GLI1: variants seen among roughly 807,000 people sequenced by gnomAD.
GLI1 encodes transcription activator GLI1.
GLI1 carries 51 observed loss-of-function variants against 87.8 expected under a neutral mutation model. That is an observed-to-expected ratio of 0.58 (90% CI 0.46 to 0.73). The LOEUF is 0.73. Ranked by LOEUF, GLI1 falls within the 30% of genes least tolerant of loss-of-function variation. The pLI is 0.00. For missense variants in GLI1, 1,292 were observed against 1,437.2 expected (o/e 0.90, Z 1.63); for synonymous variants, 528 against 558.2 (o/e 0.95, Z 0.76).
chr12:57,470,403 G>GT lies in GLI1; in HGVS notation c.1664dup (p.Ser556GlnfsTer86). ...CAGCAGCATCAGCTCTGCCTATACTGTCAGCCGCCGCTCCTCCCTGGCCTC... is the reference window on the plus strand; with the variant it reads ...CAGCAGCATCAGCTCTGCCTATACTGTTCAGCCGCCGCTCCTCCCTGGCCTC... On this transcript the variant is annotated frameshift_variant, in exon 12 of 12. Coordinates refer to ENST00000228682, the MANE Select transcript of GLI1 (RefSeq NM_005269.3). LOFTEE classifies it high-confidence loss of function. 6.2e-7 allele frequency: 1 copy of GT among 1,613,840 alleles called. No individual in the cohort carries two copies. Among genetic ancestry groups the GT allele is most frequent in the Non-Finnish European group, 8.5e-7 (1 of 1,179,864 alleles).
intron 10 of GLI1, among the ~76,000 whole-genome samples, 153 bp downstream of exon 10, chr12:57,468,377 T>A (rs1050138971): frequency 6.6e-6 from 1 of 152,218 alleles, no homozygotes; most frequent in African/African-American, 2.4e-5. Flanking sequence ...TCTTTGGGCT[T>A]CCCCAAATCT....
At chr12:57,463,050 C>T (rs982661507) in intron 1 of GLI1, among the ~76,000 whole-genome samples, 7 of 152,294 alleles carry the variant, frequency 4.6e-5, no homozygotes, top group African/African-American at 1.4e-4. Flanking sequence ...AATATAGGCA[C>T]AATTAGTCCA....
rs759016911 is a variant in GLI1, at chr12:57,465,057, A to G, written c.390-54A>G. On this transcript the variant is annotated intron_variant, in intron 4 of 11. Transcript: ENST00000228682. ...TTCCAGAAATCCTCCAAATAGCCCAATCCTTCCTGAGACTTCCTAATTGTC... is the reference window on the plus strand; with the variant it reads ...TTCCAGAAATCCTCCAAATAGCCCAGTCCTTCCTGAGACTTCCTAATTGTC... The G allele has an allele frequency of 2.0e-5, 32 of 1,577,186 alleles. 1 individual carries two copies. The highest frequency in any genetic ancestry group is 6.7e-5 in the East Asian group (3 of 44,698).
At chr12:57,464,525 C>CAAAAA in intron 3 of GLI1, 148 bp from the exon 4 acceptor site, 1 of 514,056 alleles carries the variant, frequency 1.9e-6, no homozygotes, top group South Asian at 2.3e-5. Context: ...CTGTGTCTCT[C>CAAAAA]AAAAAAAAAA....
rs1871994759 is a variant in GLI1 at position 57,471,879 on chromosome 12, C to T, written c.3139C>T (p.Leu1047=). 3.7e-6 allele frequency: 6 copies of T among 1,600,238 alleles called. No homozygotes were observed. Among genetic ancestry groups the T allele is most frequent in the Non-Finnish European group, 5.1e-6 (6 of 1,173,886 alleles). The part of the protein sequence containing the change: ...LDSLDLDNTQ[L]DFVAILDEPQ... Reference sequence around the variant, plus strand: ...CTCTCTTGATCTTGACAACACTCAGCTGGACTTTGTGGCTATTCTGGATGA... The same window carrying T: ...CTCTCTTGATCTTGACAACACTCAGTTGGACTTTGTGGCTATTCTGGATGA... The change falls in exon 12 of 12, where the codon CTG becomes TTG. Residue 1047 remains leucine, a synonymous_variant. Transcript: ENST00000228682. This position sits in a 1 kb window ranked among gnomAD's most constrained non-coding sequence, Gnocchi z 4.9.
chr12:57,460,852 G>T (rs1405728313), intron 1 of GLI1, among the ~76,000 whole-genome samples: 1 of 152,126 alleles, frequency 6.6e-6, no homozygotes, highest in Non-Finnish European at 1.5e-5. Context: ...AGTCCCAAGG[G>T]CTGTGGGCAA....
rs1594750151 is a variant in GLI1, at chr12:57,470,776, A to T, written c.2036A>T (p.Tyr679Phe). The T allele has an allele frequency of 2.5e-6, 4 of 1,612,882 alleles. No homozygotes were observed. The highest frequency in any genetic ancestry group is 2.2e-5 in the East Asian group (1 of 44,850). The change falls in exon 12 of 12, where the codon TAC (tyrosine) becomes TTC (phenylalanine). Residue 679 changes from tyrosine to phenylalanine, a missense_variant. Transcript: ENST00000228682. ...GGGGGAGGACAGAACTTTGATCCTT[A>T]CCTCCCAACCTCTGTCTACTCACCA... ...VAGGGQNFDPYLPTSVYSPQP... is the reference protein window; with the variant it reads ...VAGGGQNFDPFLPTSVYSPQP...
chr12:57,471,045 C>G lies in GLI1; in HGVS notation c.2305C>G (p.Gln769Glu), dbSNP rs1011202054. 3.1e-6 allele frequency: 5 copies of G among 1,610,606 alleles called. No homozygotes were observed. The highest frequency in any genetic ancestry group is 4.2e-6 in the Non-Finnish European group (5 of 1,178,178). The change falls in exon 12 of 12, where the codon CAG becomes GAG. Residue 769 changes from glutamine (Q) to glutamate (E), a missense_variant. Gln to Glu is a conservative substitution (Grantham distance 29, BLOSUM62 2). Around this residue, in one of 3 missense-constraint regions of GLI1, gnomAD observed 897 missense variants for 1,040.7 expected, o/e 0.86. Coordinates refer to ENST00000228682, the MANE Select transcript of GLI1 (RefSeq NM_005269.3). This position sits in a 1 kb window ranked among gnomAD's most constrained non-coding sequence, Gnocchi z 4.9. ...TNYGPNPCPQ[Q>E]ASYPDPTQET... ...CTATGGCCCCAACCCCTGTCCCCAG[C>G]AGGCCTCATATCCTGACCCCACCCA... is the stretch of plus-strand genomic sequence containing the variant.
chr12:57,469,604 T>C lies in GLI1; in HGVS notation c.1482T>C (p.Thr494=), dbSNP rs748647850. 6 of 1,614,128 alleles carry C rather than the reference T, an allele frequency of 3.7e-6. No individual in the cohort carries two copies. The highest frequency in any genetic ancestry group is 3.3e-5 in the Admixed American group (2 of 60,022). ...GPCIAGTGLS[T]LRRLENLRLD... ...GCATTGCTGGCACTGGTCTGTCCAC[T>C]CTTCGCCGCCTTGAGAACCTCAGGC... The change falls in exon 11 of 12, where the codon ACT becomes ACC. Residue 494 remains threonine, a synonymous_variant. Coordinates refer to ENST00000228682, the MANE Select transcript of GLI1 (RefSeq NM_005269.3).
At chr12:57,469,138 G>A (rs1339872534) in intron 10 of GLI1, among the ~76,000 whole-genome samples, 1 of 152,168 alleles carries the variant, frequency 6.6e-6, no homozygotes, top group Non-Finnish European at 1.5e-5. Flanking sequence ...TCATGATAAA[G>A]GGACTCACTG....
chr12:57,461,745 G>A (rs1490626022), intron 1 of GLI1, among the ~76,000 whole-genome samples: 1 of 152,056 alleles, frequency 6.6e-6, no homozygotes, highest in Non-Finnish European at 1.5e-5. Flanking sequence ...GACTTGGGTG[G>A]GCCGAGGAGG....
rs1872035619 is a variant in GLI1, at chr12:57,472,040, A to G, written c.3300A>G (p.Glu1100=). Reference sequence around the variant, plus strand: ...TGAGATCCCTACCTGGGGAAACAGAATTCCTCAACTCTAGTGCCTAAAGAG... The same window carrying G: ...TGAGATCCCTACCTGGGGAAACAGAGTTCCTCAACTCTAGTGCCTAAAGAG... The part of the protein sequence containing the change: ...VLLRSLPGET[E]FLNSSA The change falls in exon 12 of 12, where the codon GAA becomes GAG. Residue 1100 remains glutamate, a synonymous_variant. Transcript: ENST00000228682. 6.7e-7 allele frequency: 1 copy of G among 1,499,614 alleles called. No individual in the cohort carries two copies. Among genetic ancestry groups the G allele is most frequent in the Non-Finnish European group, 8.9e-7 (1 of 1,123,804 alleles). The allele number at this position is 1,499,614 out of a possible 1,614,324, so 92.9% of individuals were successfully genotyped here. A position where few individuals can be genotyped will look rare whatever the true frequency, so the allele number is the denominator to read the frequency against.
chr12:57,464,305 T>A (rs12322636), intron 3 of GLI1, among the ~76,000 whole-genome samples: 2,327 of 152,038 alleles, frequency 0.015, 54 homozygotes, highest in African/African-American at 0.052. Context: ...GAAGATCGCT[T>A]GAGGTCGGGA....
chr12:57,468,308 C>A, intron 10 of GLI1, 84 bp downstream of exon 10: 2 of 838,190 alleles, frequency 2.4e-6, no homozygotes, highest in South Asian at 1.6e-5. Flanking sequence ...CCCATCCATT[C>A]CCTCCTATAG....
rs2139852031 is a variant in GLI1 at position 57,464,696 on chromosome 12, A to G, written c.217A>G (p.Ser73Gly). 6.2e-7 allele frequency: 1 copy of G among 1,613,898 alleles called. No individual in the cohort carries two copies. Among genetic ancestry groups the G allele is most frequent in the Non-Finnish European group, 8.5e-7 (1 of 1,179,884 alleles). Reference sequence around the variant, plus strand: ...AGGCCCACTCTTTTCTTCTCCCCGGAGTGCAGTCAAGTTGACCAAGAAGCG... The same window carrying G: ...AGGCCCACTCTTTTCTTCTCCCCGGGGTGCAGTCAAGTTGACCAAGAAGCG... Reference protein sequence around the residue: ...TEGPLFSSPRSAVKLTKKRAL... With the variant: ...TEGPLFSSPRGAVKLTKKRAL... Residue 73 changes from serine (S) to glycine (G), a missense_variant, in exon 4 of 12, where the codon AGT becomes GGT. Ser to Gly is a moderately conservative substitution (Grantham distance 56, BLOSUM62 0). This residue lies in a region of GLI1 where 383 missense variants were observed against 368.4 expected (regional missense o/e 1.04). Coordinates refer to ENST00000228682, the MANE Select transcript of GLI1 (RefSeq NM_005269.3).
intron 3 of GLI1, among the ~76,000 whole-genome samples, 189 bp from the exon 4 acceptor site, chr12:57,464,484 C>T (rs1388704464): frequency 1.3e-5 from 2 of 150,032 alleles, no homozygotes; most frequent in African/African-American, 4.9e-5. Flanking sequence ...GATGGTGCCA[C>T]GCACTCCAGC....
rs1446119227 is a variant in GLI1 at position 57,471,245 on chromosome 12, C to T, written c.2505C>T (p.Ala835=). 1.2e-6 allele frequency: 2 copies of T among 1,602,396 alleles called. No homozygotes were observed. The highest frequency in any genetic ancestry group is 3.4e-5 in the Admixed American group (2 of 58,232). Residue 835 remains alanine, a synonymous_variant, in exon 12 of 12, where the codon GCC becomes GCT. Transcript: ENST00000228682. The surrounding 1 kb of genome is among the most constrained non-coding windows in gnomAD (Gnocchi z 4.9). ...CAGGACTGGCACCCTGCCTCAATGC[C>T]CACCCCAGTGAGGGGCCCCCACATC... is the stretch of plus-strand genomic sequence containing the variant. ...DSTGLAPCLN[A]HPSEGPPHPQ...
chr12:57,465,461 G>T, intron 5 of GLI1, 146 bp from the exon 6 acceptor site: 1 of 768,346 alleles, frequency 1.3e-6, no homozygotes, highest in Non-Finnish European at 2.1e-6. Context: ...CCATTCACCA[G>T]TGTAGTCTGA....
At chr12:57,464,420 G>C (rs1871339041) in intron 3 of GLI1, among the ~76,000 whole-genome samples, 1 of 152,058 alleles carries the variant, frequency 6.6e-6, no homozygotes, top group African/African-American at 2.4e-5. Context: ...TACAGGGGAG[G>C]CTGAGGCAGG....
Sources: allele counts gnomAD v4.1 joint callset (sites outside exome capture counted in the v4.1 genomes callset), GRCh38; gene constraint gnomAD v4.1.1; regional missense constraint gnomAD v4.1.1; non-coding constraint Gnocchi (gnomAD v3.1); transcripts MANE v1.5; gene names NCBI Gene and HGNC (gene_info 2026-07-23, HGNC 2026-07-21).